The following SGCD variants were observed in gnomAD, a reference collection of about 807,000 sequenced individuals.
The protein encoded by SGCD is delta-sarcoglycan.
In SGCD, 18 loss-of-function variants were observed where a neutral mutation model predicts 36.6. The observed-to-expected ratio is 0.49, with a 90% CI of 0.34 to 0.73. The LOEUF is 0.73. Ranked by LOEUF, SGCD falls within the 30% of genes least tolerant of loss-of-function variation. The probability of loss-of-function intolerance (pLI) is 0.01; values close to 1 mark genes in which losing one functional copy is unlikely to be tolerated. For synonymous variants in SGCD, 133 were observed against 130.6 expected (o/e 1.02, Z -0.12); for missense variants, 387 against 346.7 (o/e 1.12, Z -0.92).
intron 3 of SGCD, among the ~76,000 whole-genome samples, chr5:156,305,768 A>C (rs553902505): frequency 3.9e-5 from 6 of 152,338 alleles, no homozygotes; most frequent in African/African-American, 1.4e-4. Flanking sequence ...CTCCAAAACC[A>C]CAGGGCAGAG....
At chr5:156,152,590 A>G (rs1056788491) in intron 3 of SGCD, among the ~76,000 whole-genome samples, 5 of 151,702 alleles carry the variant, frequency 3.3e-5, no homozygotes, top group African/African-American at 4.9e-5. Context: ...GATATAAATC[A>G]TATGTTGCAT....
At chr5:156,698,207 A>T (rs1754393699) in intron 7 of SGCD, among the ~76,000 whole-genome samples, 1 of 152,342 alleles carries the variant, frequency 6.6e-6, no homozygotes, top group African/African-American at 2.4e-5. Flanking sequence ...ATTTCAGCTC[A>T]GATGGAATGA....
chr5:156,569,676 A>G (rs1347679779), intron 4 of SGCD, among the ~76,000 whole-genome samples: 1 of 152,014 alleles, frequency 6.6e-6, no homozygotes, highest in Non-Finnish European at 1.5e-5. Context: ...ATGTGGAAAG[A>G]GAGAGCAAGA....
chr5:156,179,000 G>T (rs6861703), intron 3 of SGCD, among the ~76,000 whole-genome samples: 82,892 of 151,768 alleles, frequency 0.55, 24,504 homozygotes, highest in East Asian at 0.94. Flanking sequence ...AAGATCAAAG[G>T]TAGGTTTTAG....
chr5:155,839,494 G>A, the SGCD span, among the ~76,000 whole-genome samples: 1 of 152,072 alleles, frequency 6.6e-6, no homozygotes, highest in East Asian at 1.9e-4. Flanking sequence ...CAGCCTCCAG[G>A]CTTAACTTTC....
intron 7 of SGCD, among the ~76,000 whole-genome samples, chr5:156,715,202 G>T (rs1332710041): frequency 6.6e-6 from 1 of 152,166 alleles, no homozygotes; most frequent in Non-Finnish European, 1.5e-5. Flanking sequence ...ACGGAAAGGG[G>T]AAAGTAGGAA....
intron 3 of SGCD, among the ~76,000 whole-genome samples, chr5:156,397,421 T>C (rs935657112): frequency 6.6e-6 from 1 of 152,170 alleles, no homozygotes; most frequent in Non-Finnish European, 1.5e-5. Flanking sequence ...AATCCCCAAA[T>C]TGGATTTGAC....
At chr5:155,979,519 G>GA (rs1187403667) in intron 1 of SGCD, among the ~76,000 whole-genome samples, 1 of 152,186 alleles carries the variant, frequency 6.6e-6, no homozygotes, top group Non-Finnish European at 1.5e-5. Context: ...GAAGGGAAGG[G>GA]AAAGAAGGAC....
At chr5:155,960,137 C>T (rs1757761959) in intron 1 of SGCD, among the ~76,000 whole-genome samples, 2 of 151,980 alleles carry the variant, frequency 1.3e-5, no homozygotes, top group East Asian at 1.9e-4. Flanking sequence ...TTTCTTCTCC[C>T]TCCCCTTCCA....
At chr5:156,044,763 A>C (rs1759721302) in intron 1 of SGCD, among the ~76,000 whole-genome samples, 1 of 152,180 alleles carries the variant, frequency 6.6e-6, no homozygotes, top group Non-Finnish European at 1.5e-5. Context: ...AAATTAATGA[A>C]TACTCAGAGA....
chr5:156,040,723 T>C (rs879694895), intron 1 of SGCD, among the ~76,000 whole-genome samples: 6 of 152,206 alleles, frequency 3.9e-5, no homozygotes, highest in Admixed American at 2.6e-4. Flanking sequence ...TGTGGGCAGA[T>C]GCATGCCTTC....
At chr5:155,849,765 G>T in the SGCD span, among the ~76,000 whole-genome samples, 2 of 152,072 alleles carry the variant, frequency 1.3e-5, no homozygotes, top group East Asian at 3.9e-4. Context: ...AGTACTGAAT[G>T]GTTTAGATGT....
At position 156,411,395 on chromosome 5, in the gene SGCD, A is replaced by C. The variant is rs138796969; in HGVS notation, c.192+66718A>C. ...ACAGGGGTCGCATGGAGCAGTAGGG[A>C]GTTCGAAGCAGGCTCAAATCTGTCA... On this transcript the variant is annotated intron_variant, in intron 3 of 8. Transcript: ENST00000337851. 3.7e-3 allele frequency among the ~76,000 whole-genome samples: 567 copies of C among 152,252 alleles called. 3 individuals carry two copies. Among genetic ancestry groups the C allele is most frequent in the Middle Eastern group, 0.024 (7 of 294 alleles).
intron 3 of SGCD, among the ~76,000 whole-genome samples, chr5:156,144,381 A>G (rs1160541408): frequency 6.6e-6 from 1 of 152,104 alleles, no homozygotes; most frequent in African/African-American, 2.4e-5. Flanking sequence ...CTATTTCTCC[A>G]CATCCTCTCC....
chr5:156,105,840 C>T (rs1761632240), intron 1 of SGCD, among the ~76,000 whole-genome samples: 2 of 151,758 alleles, frequency 1.3e-5, no homozygotes, highest in South Asian at 4.2e-4. Context: ...AGGCTGGTTG[C>T]GGTGGATCAT....
At position 156,508,773 on chromosome 5, in the gene SGCD, T is replaced by TATC; in HGVS notation, c.294+73_294+75dup. The TATC allele has an allele frequency of 7.7e-6, 7 of 910,050 alleles. No individual in the cohort carries two copies. In the South Asian group the frequency reaches 1.1e-4, roughly 15 times the overall value. The allele number at this position is 910,050 out of a possible 1,614,324, so 56.4% of individuals were successfully genotyped here. On this transcript the variant is annotated intron_variant, in intron 4 of 8. Transcript: ENST00000337851. ...CTAAATCTGGAGGAATTGATCTTGC[T>TATC]ATCAGCTGAGTACAGAGAATTGGGG...
chr5:156,742,749 T>A (rs889531443), intron 7 of SGCD, among the ~76,000 whole-genome samples: 11 of 152,322 alleles, frequency 7.2e-5, no homozygotes, highest in African/African-American at 2.6e-4. Flanking sequence ...AAGGAGTAGA[T>A]GGTATTAATA....
Position 156,067,971 on chromosome 5 carries a change from T to A in SGCD, c.-281-49907T>A, listed in dbSNP as rs1211090963. Among the ~76,000 whole-genome samples, 3 of 119,556 alleles carry A rather than the reference T, an allele frequency of 2.5e-5. 1 individual carries two copies. Among genetic ancestry groups the A allele is most frequent in the East Asian group, 2.1e-4 (1 of 4,878 alleles). 78.4% of individuals were successfully genotyped at this position (119,556 alleles called of 152,430 possible). A position where few individuals can be genotyped will look rare whatever the true frequency, so the allele number is the denominator to read the frequency against. ...GGCCATCTTGGCTCCTCCCCCCCAC[T>A]TTTTTTTTTTTAATTGGCAAAATTC... On this transcript the variant is annotated intron_variant, in intron 1 of 9. Coordinates refer to the SGCD transcript ENST00000517913.
intron 2 of SGCD, among the ~76,000 whole-genome samples, chr5:156,122,173 T>C (rs1005359614): frequency 2.0e-5 from 3 of 152,164 alleles, no homozygotes; most frequent in African/African-American, 7.2e-5. Flanking sequence ...TGAGTGGCCA[T>C]GAGGTTTACT....
Sources: allele counts gnomAD v4.1 joint callset (sites outside exome capture counted in the v4.1 genomes callset), GRCh38; gene constraint gnomAD v4.1.1; transcripts MANE v1.5; gene names NCBI Gene and HGNC (gene_info 2026-07-23, HGNC 2026-07-21).